ST6GALNAC3: variants seen among roughly 807,000 people sequenced by gnomAD.
The protein encoded by ST6GALNAC3 is alpha-N-acetylgalactosaminide alpha-2,6-sialyltransferase 3.
Under a neutral mutation model 32.7 loss-of-function variants are expected in ST6GALNAC3, and 25 were observed. The ratio of observed to expected loss-of-function variants is 0.76; its 90% CI spans 0.56 to 1.07. The LOEUF is 1.07. ST6GALNAC3 is among the 50% of genes least tolerant of loss of function. ST6GALNAC3 has a pLI of 0.00. For synonymous variants in ST6GALNAC3, 129 were observed against 133.1 expected (o/e 0.97, Z 0.21); for missense variants, 355 against 382.4 (o/e 0.93, Z 0.60).
chr1:76,412,210 A>T lies in ST6GALNAC3; in HGVS notation c.416A>T (p.Asn139Ile). Residue 139 changes from asparagine (N) to isoleucine (I), a missense_variant, in exon 3 of 5, where the codon AAC (asparagine) becomes ATC (isoleucine). Coordinates refer to ENST00000328299, the MANE Select transcript of ST6GALNAC3 (RefSeq NM_152996.4). ...ACCAGCGTTCCTCTTTTGCTAAAAA[A>T]CCCTGATTATTTTTTCAAGGAAGCG... ...SHTSVPLLLKNPDYFFKEANT... is the reference protein window; with the variant it reads ...SHTSVPLLLKIPDYFFKEANT... 6.2e-7 allele frequency: 1 copy of T among 1,613,348 alleles called. No individual in the cohort carries two copies. The highest frequency in any genetic ancestry group is 2.2e-5 in the East Asian group (1 of 44,844).
At chr1:76,424,012 G>T (rs1295084401) in intron 3 of ST6GALNAC3, among the ~76,000 whole-genome samples, 1 of 151,928 alleles carries the variant, frequency 6.6e-6, no homozygotes, top group African/African-American at 2.4e-5. Flanking sequence ...AGGTACAAAA[G>T]CTCCGAAGGT....
chr1:76,175,556 G>A (rs1439323606), intron 1 of ST6GALNAC3, among the ~76,000 whole-genome samples: 1 of 150,190 alleles, frequency 6.7e-6, no homozygotes, highest in East Asian at 2.0e-4. Context: ...TGGCCATGAT[G>A]GGGAACTTGG....
At chr1:76,563,557 A>C (rs543526769) in intron 3 of ST6GALNAC3, among the ~76,000 whole-genome samples, 4 of 152,198 alleles carry the variant, frequency 2.6e-5, no homozygotes, top group Non-Finnish European at 4.4e-5. Context: ...TTAGAACCCA[A>C]TTTAACTCTT....
At chr1:76,167,787 A>T (rs1269899515) in intron 1 of ST6GALNAC3, among the ~76,000 whole-genome samples, 1 of 152,064 alleles carries the variant, frequency 6.6e-6, no homozygotes, top group Non-Finnish European at 1.5e-5. Flanking sequence ...GGTGATCATA[A>T]TATTCTCTGA....
At chr1:76,351,500 CT>C (rs915863543) in intron 2 of ST6GALNAC3, among the ~76,000 whole-genome samples, 7 of 151,938 alleles carry the variant, frequency 4.6e-5, no homozygotes, top group Admixed American at 1.3e-4. Flanking sequence ...ACTACTATAA[CT>C]TTTTTTTATA....
At chr1:76,176,426 G>A (rs1454673701) in intron 1 of ST6GALNAC3, among the ~76,000 whole-genome samples, 5 of 152,184 alleles carry the variant, frequency 3.3e-5, no homozygotes, top group Non-Finnish European at 7.3e-5. Flanking sequence ...AGATTAAAAT[G>A]TGGTTTTATG....
chr1:76,372,021 C>T (rs1451378633), intron 2 of ST6GALNAC3, among the ~76,000 whole-genome samples: 1 of 152,174 alleles, frequency 6.6e-6, no homozygotes, highest in Admixed American at 6.6e-5. Flanking sequence ...ATTTAACTTG[C>T]AGCCCTAGAG....
chr1:76,589,655 T>G (rs1647017679), intron 3 of ST6GALNAC3, among the ~76,000 whole-genome samples: 1 of 151,856 alleles, frequency 6.6e-6, no homozygotes, highest in African/African-American at 2.4e-5. Flanking sequence ...GCTCTACTCC[T>G]AACTGCTTGG....
At chr1:76,335,611 A>G (rs901849753) in intron 2 of ST6GALNAC3, among the ~76,000 whole-genome samples, 2 of 152,216 alleles carry the variant, frequency 1.3e-5, no homozygotes, top group Non-Finnish European at 2.9e-5. Flanking sequence ...CTGGCAGGAA[A>G]TTGATTTTTT....
In ST6GALNAC3 at chr1:76,522,433, C is replaced by T. The variant is rs2101794868; in HGVS notation, c.624-105019C>T. Among the ~76,000 whole-genome samples the T allele has an allele frequency of 1.3e-5, 2 of 152,124 alleles. 1 individual carries two copies. The highest frequency in any genetic ancestry group is 4.2e-4 in the South Asian group (2 of 4,814). ...ATATACAAGTTACATATATGTGATG[C>T]AATTTCTCTTTCTCTCTATTCTTGC... On this transcript the variant is annotated intron_variant, in intron 3 of 4. Coordinates refer to ENST00000328299, the MANE Select transcript of ST6GALNAC3 (RefSeq NM_152996.4).
In ST6GALNAC3 at chr1:76,581,876, C is replaced by T. The variant is rs538211409; in HGVS notation, c.624-45576C>T. On this transcript the variant is annotated intron_variant, in intron 3 of 4. Transcript: ENST00000328299. Reference sequence around the variant, plus strand: ...TTGAGTTAGTTCTGATGAGATCAGACCATCACAGTTTTTACTCTGATACTG... The same window carrying T: ...TTGAGTTAGTTCTGATGAGATCAGATCATCACAGTTTTTACTCTGATACTG... 5.9e-5 allele frequency among the ~76,000 whole-genome samples: 9 copies of T among 152,242 alleles called. No homozygotes were observed. The South Asian group carries it at 1.9e-3, about 32-fold the overall frequency.
At chr1:76,376,697 AT>A (rs1306593637) in intron 2 of ST6GALNAC3, among the ~76,000 whole-genome samples, 5 of 152,256 alleles carry the variant, frequency 3.3e-5, no homozygotes, top group Admixed American at 3.3e-4. Flanking sequence ...CACAAATCTG[AT>A]TTTTAATTAG....
intron 2 of ST6GALNAC3, among the ~76,000 whole-genome samples, chr1:76,389,410 AG>A (rs1291581224): frequency 5.3e-5 from 8 of 152,176 alleles, no homozygotes; most frequent in African/African-American, 1.9e-4. Context: ...ATGGAACAGA[AG>A]CCTTGTTGAT....
intron 3 of ST6GALNAC3, among the ~76,000 whole-genome samples, chr1:76,479,530 T>C (rs1201279077): frequency 6.6e-6 from 1 of 152,196 alleles, no homozygotes; most frequent in East Asian, 1.9e-4. Flanking sequence ...CTTCTTGCCA[T>C]GTCATAACAT....
At chr1:76,099,248 A>G (rs1048149543) in intron 1 of ST6GALNAC3, among the ~76,000 whole-genome samples, 6 of 152,090 alleles carry the variant, frequency 3.9e-5, no homozygotes, top group African/African-American at 1.4e-4. Flanking sequence ...GGCCCTTTAT[A>G]CTTCCTTTGA....
At chr1:76,233,858 A>G (rs1656502530) in intron 1 of ST6GALNAC3, among the ~76,000 whole-genome samples, 1 of 152,222 alleles carries the variant, frequency 6.6e-6, no homozygotes, top group African/African-American at 2.4e-5. Context: ...TTTTGTATAT[A>G]TAAAGCACAG....
intron 1 of ST6GALNAC3, among the ~76,000 whole-genome samples, chr1:76,153,990 T>C (rs1433028918): frequency 6.6e-6 from 1 of 152,166 alleles, no homozygotes; most frequent in Admixed American, 6.5e-5. Flanking sequence ...ATGAGTTGCC[T>C]GTCCCGCCGT....
At chr1:76,561,575 C>A (rs1665245840) in intron 3 of ST6GALNAC3, among the ~76,000 whole-genome samples, 1 of 152,086 alleles carries the variant, frequency 6.6e-6, no homozygotes, top group Non-Finnish European at 1.5e-5. Context: ...CAATGAGATA[C>A]CACTTCACAC....
intron 1 of ST6GALNAC3, among the ~76,000 whole-genome samples, chr1:76,242,089 C>A (rs1656997459): frequency 6.6e-6 from 1 of 152,172 alleles, no homozygotes; most frequent in South Asian, 2.1e-4. Flanking sequence ...AGTCACTCAG[C>A]AAATACTAGC....
Sources: gnomAD v4.1 joint callset for allele counts (sites outside exome capture counted in the v4.1 genomes callset) on GRCh38, gnomAD v4.1.1 for gene constraint, MANE v1.5 for transcripts, NCBI Gene and HGNC (gene_info 2026-07-23, HGNC 2026-07-21) for gene names.